CTNNA3: variants seen among roughly 807,000 people sequenced by gnomAD.
CTNNA3 encodes catenin alpha 3, also known as catenin alpha-3.
A neutral mutation model predicts 95.7 loss-of-function variants in CTNNA3; 76 were observed. The observed-to-expected ratio is 0.79, with a 90% CI of 0.66 to 0.96. CTNNA3 has a LOEUF of 0.96. CTNNA3 is among the 40% of genes least tolerant of loss of function. The probability of loss-of-function intolerance (pLI) is 0.00; values close to 1 mark genes in which losing one functional copy is unlikely to be tolerated. For missense variants in CTNNA3, 1,191 were observed against 1,089.8 expected, an observed-to-expected ratio of 1.09 and a Z score of -1.31; for synonymous variants, 431 against 374.4, an observed-to-expected ratio of 1.15 and a Z score of -1.74.
chr10:66,115,531 TA>T (rs1369121767), intron 13 of CTNNA3, among the ~76,000 whole-genome samples: 1 of 114,682 alleles, frequency 8.7e-6, no homozygotes, highest in Non-Finnish European at 1.8e-5. Flanking sequence ...AGATGATAGA[TA>T]GATAGATAGA....
intron 7 of CTNNA3, among the ~76,000 whole-genome samples, chr10:67,083,566 C>T (rs1020471082): frequency 6.6e-6 from 1 of 152,078 alleles, no homozygotes; most frequent in African/African-American, 2.4e-5. Context: ...AGAATTTGTA[C>T]ATTTTAATTT....
chr10:67,201,636 T>A (rs1435890736), intron 6 of CTNNA3, among the ~76,000 whole-genome samples: 1 of 152,196 alleles, frequency 6.6e-6, no homozygotes, highest in Non-Finnish European at 1.5e-5. Context: ...AACATATAAC[T>A]TGCATTTAGT....
chr10:66,859,418 C>T (rs900844376), intron 7 of CTNNA3, among the ~76,000 whole-genome samples: 6 of 151,610 alleles, frequency 4.0e-5, no homozygotes, highest in African/African-American at 1.5e-4. Flanking sequence ...TGAAAAAATG[C>T]TTACCATCAC....
chr10:66,651,801 G>GCCCTTGATCGCGGCACACAGCAGCC (rs1260390344), intron 9 of CTNNA3, among the ~76,000 whole-genome samples: 22 of 23,842 alleles, frequency 9.2e-4, no homozygotes, highest in African/African-American at 6.7e-3. Flanking sequence ...ACCCGCATTG[G>GCCCTTGATCGCGGCACACAGCAGCC]CCGGTTCCCA....
chr10:66,052,536 TAA>T (rs1023383992), intron 15 of CTNNA3, among the ~76,000 whole-genome samples: 1 of 152,158 alleles, frequency 6.6e-6, no homozygotes, highest in African/African-American at 2.4e-5. Context: ...TTGTTTAAAT[TAA>T]AAGTGTCTTA....
chr10:67,390,547 T>G (rs1417625151), intron 5 of CTNNA3, among the ~76,000 whole-genome samples: 2 of 151,582 alleles, frequency 1.3e-5, no homozygotes, highest in South Asian at 2.1e-4. Context: ...CCTCCCTAAC[T>G]CATTTTATGA....
chr10:66,333,683 T>A, intron 12 of CTNNA3, among the ~76,000 whole-genome samples: 1 of 151,790 alleles, frequency 6.6e-6, no homozygotes, highest in Non-Finnish European at 1.5e-5. Context: ...TGTGGTGTGG[T>A]GCTGAAAAGA....
rs180704299 is a variant in CTNNA3, at chr10:66,352,913, G to A, written c.1732+26239C>T. Among the ~76,000 whole-genome samples the A allele has an allele frequency of 4.6e-5, 7 of 152,140 alleles. No homozygotes were observed. The East Asian group carries it at 1.4e-3, about 29-fold the overall frequency. Reference sequence around the variant, plus strand: ...GAGGCAGACTGTGGTGAAGCAGGAAGAGGAGGTCATCAACGAGGGGCACTA... The same window carrying A: ...GAGGCAGACTGTGGTGAAGCAGGAAAAGGAGGTCATCAACGAGGGGCACTA... On this transcript the variant is annotated intron_variant, in intron 12 of 17. Coordinates refer to ENST00000433211, the MANE Select transcript of CTNNA3 (RefSeq NM_013266.4).
At chr10:66,621,588 T>C (rs1844749509) in intron 10 of CTNNA3, 104 bp downstream of exon 10, 2 of 614,612 alleles carry the variant, frequency 3.3e-6, no homozygotes, top group Non-Finnish European at 5.4e-6. Flanking sequence ...CGAGACCTGG[T>C]CTCAAAAAAA....
At chr10:65,957,335 C>G (rs575600750) in intron 17 of CTNNA3, among the ~76,000 whole-genome samples, 4 of 152,098 alleles carry the variant, frequency 2.6e-5, no homozygotes, top group Non-Finnish European at 5.9e-5. Context: ...AGTCTTGACT[C>G]TTTATCCAAT....
chr10:66,719,960 T>C (rs1304922332), intron 9 of CTNNA3, among the ~76,000 whole-genome samples: 5 of 151,978 alleles, frequency 3.3e-5, no homozygotes, highest in African/African-American at 1.2e-4. Flanking sequence ...AAGTAGCAAG[T>C]GAAAGAAAAG....
At chr10:66,823,746 A>G (rs1376657678) in intron 7 of CTNNA3, among the ~76,000 whole-genome samples, 2 of 152,178 alleles carry the variant, frequency 1.3e-5, no homozygotes, top group Non-Finnish European at 2.9e-5. Context: ...TTGATTCTCA[A>G]ATTGAATTTA....
chr10:67,452,995 A>T (rs992899735), intron 5 of CTNNA3, among the ~76,000 whole-genome samples: 1 of 152,210 alleles, frequency 6.6e-6, no homozygotes, highest in African/African-American at 2.4e-5. Flanking sequence ...ACACTTCAAC[A>T]TGTGGCTGGC....
intron 7 of CTNNA3, among the ~76,000 whole-genome samples, chr10:66,981,887 A>G (rs1408697922): frequency 6.6e-6 from 1 of 152,162 alleles, no homozygotes. Flanking sequence ...ACTTGCTCCC[A>G]AAGTTGCATC....
intron 11 of CTNNA3, among the ~76,000 whole-genome samples, chr10:66,434,739 G>C (rs2093324727): frequency 6.6e-6 from 1 of 152,152 alleles, no homozygotes; most frequent in East Asian, 1.9e-4. Context: ...CAAAGGGAAT[G>C]CTTCCAGCTT....
intron 1 of CTNNA3, among the ~76,000 whole-genome samples, chr10:67,719,450 TC>T (rs1423284582): frequency 1.6e-4 from 24 of 152,208 alleles, no homozygotes; most frequent in African/African-American, 5.3e-4. Context: ...GCTATAAATT[TC>T]CCTCTAACCA....
intron 11 of CTNNA3, among the ~76,000 whole-genome samples, chr10:66,405,260 T>C (rs1306859157): frequency 1.3e-5 from 2 of 152,160 alleles, no homozygotes; most frequent in Non-Finnish European, 2.9e-5. Flanking sequence ...GATAGACTGC[T>C]TGACACAGAA....
intron 11 of CTNNA3, among the ~76,000 whole-genome samples, chr10:66,426,281 G>A (rs953078975): frequency 1.3e-5 from 2 of 151,924 alleles, no homozygotes; most frequent in African/African-American, 4.8e-5. Flanking sequence ...CTCAGTTATT[G>A]TTTTAATTAT....
intron 7 of CTNNA3, among the ~76,000 whole-genome samples, chr10:66,813,376 G>A (rs151076469): frequency 3.7e-4 from 56 of 152,160 alleles, no homozygotes; most frequent in African/African-American, 1.2e-3. Flanking sequence ...GAAAACAGGC[G>A]TCTACTCAAT....
Sources: gnomAD v4.1 joint callset for allele counts (sites outside exome capture counted in the v4.1 genomes callset) on GRCh38, gnomAD v4.1.1 for gene constraint, MANE v1.5 for transcripts, NCBI Gene and HGNC (gene_info 2026-07-23, HGNC 2026-07-21) for gene names.